SCUBE2: variants seen among roughly 807,000 people sequenced by gnomAD.
SCUBE2 encodes the protein signal peptide, CUB and EGF-like domain-containing protein 2.
In SCUBE2, 114 loss-of-function variants were observed where a neutral mutation model predicts 125.9. The observed-to-expected ratio is 0.91, with a 90% CI of 0.78 to 1.06. The LOEUF is 1.06. SCUBE2 is among the 50% of genes least tolerant of loss of function. SCUBE2 has a pLI of 0.00. For missense variants in SCUBE2, 1,255 were observed against 1,301.8 expected (o/e 0.96, Z 0.55); for synonymous variants, 459 against 492.9 (o/e 0.93, Z 0.91).
chr11:9,044,581 T>C (rs1857522179), intron 16 of SCUBE2, among the ~76,000 whole-genome samples: 1 of 152,206 alleles, frequency 6.6e-6, no homozygotes, highest in African/African-American at 2.4e-5. Flanking sequence ...ACAGTCTACT[T>C]TCAACACAGT....
Position 9,074,351 on chromosome 11 carries a change from T to C in SCUBE2, c.517+130A>G, listed in dbSNP as rs1017842122. 3.0e-5 allele frequency: 35 copies of C among 1,159,500 alleles called. No individual in the cohort carries two copies. The African/African-American group carries it at 5.0e-4, about 16-fold the overall frequency. 71.8% of individuals were successfully genotyped at this position (1,159,500 alleles called of 1,614,324 possible). On this transcript the variant is annotated intron_variant, in intron 4 of 22. Coordinates refer to ENST00000649792, the MANE Select transcript of SCUBE2 (RefSeq NM_001367977.2). ...CCCACGGTTACCCGGCAGTGGAGTC[T>C]GGACTCGTCCTCAGGCCTCCAGACT...
intron 2 of SCUBE2, among the ~76,000 whole-genome samples, chr11:9,088,581 T>A (rs1437970957): frequency 4.6e-5 from 7 of 152,206 alleles, no homozygotes; most frequent in Non-Finnish European, 8.8e-5. Context: ...TTCTTACTCA[T>A]TGTGTAGCTT....
intron 18 of SCUBE2, 118 bp from the exon 19 acceptor site, chr11:9,030,163 T>G: frequency 1.7e-6 from 2 of 1,165,026 alleles, no homozygotes; most frequent in Non-Finnish European, 1.2e-6. Context: ...AAGTAGGGCT[T>G]TCCTACCAAT....
chr11:9,065,511 C>G (rs1010248047), intron 7 of SCUBE2, among the ~76,000 whole-genome samples: 1 of 152,152 alleles, frequency 6.6e-6, no homozygotes, highest in African/African-American at 2.4e-5. Context: ...ATCAATTACC[C>G]AGTCTCAGGC....
At chr11:9,083,730 C>T (rs375844009) in intron 2 of SCUBE2, among the ~76,000 whole-genome samples, 6 of 151,746 alleles carry the variant, frequency 4.0e-5, no homozygotes, top group South Asian at 2.1e-4. Flanking sequence ...TTAGTAGAGA[C>T]GGGGTTTCAC....
intron 2 of SCUBE2, among the ~76,000 whole-genome samples, chr11:9,087,271 T>A (rs1170354054): frequency 6.6e-6 from 1 of 152,200 alleles, no homozygotes; most frequent in Non-Finnish European, 1.5e-5. Flanking sequence ...TTACTAAAAG[T>A]GTACTTTATC....
chr11:9,060,824 C>T (rs1859607697), intron 7 of SCUBE2, among the ~76,000 whole-genome samples: 1 of 152,230 alleles, frequency 6.6e-6, no homozygotes, highest in African/African-American at 2.4e-5. Context: ...CTGCAGCCAG[C>T]AACCTAAGTA....
intron 7 of SCUBE2, among the ~76,000 whole-genome samples, chr11:9,061,376 G>A (rs548492674): frequency 1.3e-5 from 2 of 151,986 alleles, no homozygotes; most frequent in Middle Eastern, 6.8e-3. Flanking sequence ...GGGCCACGTG[G>A]TGAGACCCCC....
chr11:9,074,683 C>T, intron 3 of SCUBE2, 68 bp from the exon 4 acceptor site: 2 of 1,576,012 alleles, frequency 1.3e-6, no homozygotes, highest in South Asian at 2.2e-5. Flanking sequence ...CCCAGCAGCT[C>T]AGGGGCCCTG....
At chr11:9,083,938 T>C (rs932262688) in intron 2 of SCUBE2, among the ~76,000 whole-genome samples, 4 of 152,216 alleles carry the variant, frequency 2.6e-5, no homozygotes, top group African/African-American at 9.6e-5. Flanking sequence ...GGAATAAATA[T>C]AGATACGTGT....
intron 21 of SCUBE2, among the ~76,000 whole-genome samples, chr11:9,023,356 T>C (rs1029320624): frequency 1.3e-5 from 2 of 152,158 alleles, no homozygotes; most frequent in African/African-American, 4.8e-5. Flanking sequence ...ACTCCATTAG[T>C]GTGGTGTCTT....
At chr11:9,027,268 A>G in intron 20 of SCUBE2, 96 bp downstream of exon 20, 1 of 1,164,010 alleles carries the variant, frequency 8.6e-7, no homozygotes, top group East Asian at 2.5e-5. Context: ...TATGGAGGTG[A>G]CGTTCTAGGC....
intron 5 of SCUBE2, among the ~76,000 whole-genome samples, chr11:9,067,483 T>C (rs1365691630): frequency 6.6e-6 from 1 of 152,214 alleles, no homozygotes; most frequent in South Asian, 2.1e-4. Context: ...TTTATATGCT[T>C]TGGAGTGTTT....
chr11:9,068,478 C>T (rs1250175672), intron 5 of SCUBE2, among the ~76,000 whole-genome samples: 2 of 152,172 alleles, frequency 1.3e-5, no homozygotes, highest in African/African-American at 2.4e-5. Context: ...AGGTCCCTGA[C>T]TTGGAGGGGG....
intron 7 of SCUBE2, chr11:9,065,251 C>T (rs1398344724): frequency 1.3e-5 from 2 of 152,210 alleles, no homozygotes; most frequent in Non-Finnish European, 2.9e-5. Flanking sequence ...ATAATCCCCT[C>T]GTGTCAAGGG....
At chr11:9,057,724 G>A (rs1396450439) in intron 9 of SCUBE2, among the ~76,000 whole-genome samples, 1 of 151,856 alleles carries the variant, frequency 6.6e-6, no homozygotes, top group Admixed American at 6.6e-5. Context: ...GTAGAGACGG[G>A]GTTTTGCCGT....
intron 21 of SCUBE2, 138 bp from the exon 22 acceptor site, chr11:9,022,093 G>T: frequency 1.6e-6 from 1 of 638,806 alleles, no homozygotes; most frequent in Non-Finnish European, 2.8e-6. Flanking sequence ...TGAGAAGACA[G>T]TCAGAAGAAA....
chr11:9,049,908 G>T (rs947606329), intron 14 of SCUBE2: 4 of 152,200 alleles, frequency 2.6e-5, no homozygotes, highest in Admixed American at 6.5e-5. Flanking sequence ...CCTAAAATAG[G>T]CAGTCAAAAG....
intron 2 of SCUBE2, among the ~76,000 whole-genome samples, chr11:9,088,264 G>A (rs1295965667): frequency 6.6e-6 from 1 of 152,232 alleles, no homozygotes; most frequent in Non-Finnish European, 1.5e-5. Context: ...GAGGCCAGTG[G>A]ATCACCTGAG....
Sources: allele counts gnomAD v4.1 joint callset (sites outside exome capture counted in the v4.1 genomes callset), GRCh38; gene constraint gnomAD v4.1.1; transcripts MANE v1.5; gene names NCBI Gene and HGNC (gene_info 2026-07-23, HGNC 2026-07-21).